Variants in SYT12 observed in about 807,000 individuals in gnomAD.
SYT12 encodes the protein synaptotagmin-12.
SYT12 carries 27 observed loss-of-function variants against 39.5 expected under a neutral mutation model. The observed-to-expected ratio is 0.68, with a 90% CI of 0.50 to 0.94. The LOEUF is 0.94. SYT12 is among the 40% of genes least tolerant of loss of function. The pLI is 0.00. For synonymous variants in SYT12, 233 were observed against 239.7 expected (o/e 0.97, Z 0.26); for missense variants, 536 against 572.6 (o/e 0.94, Z 0.65).
chr11:67,037,342 A>T (rs1035232623), intron 3 of SYT12, among the ~76,000 whole-genome samples: 8 of 152,192 alleles, frequency 5.3e-5, no homozygotes, highest in Non-Finnish European at 1.2e-4. Flanking sequence ...TACAAGCAAC[A>T]TAAATGTCCA....
intron 6 of SYT12, 71 bp downstream of exon 6, chr11:67,044,784 GGGCACCCGGA>G (rs1442875321): frequency 6.3e-7 from 1 of 1,593,346 alleles, no homozygotes; most frequent in Non-Finnish European, 8.6e-7. Context: ...GCTGTGCTGT[GGGCACCCGGA>G]GGCATCGGCA....
intron 5 of SYT12, 116 bp from the exon 6 acceptor site, chr11:67,044,477 G>A (rs1950572289): frequency 2.1e-6 from 3 of 1,441,282 alleles, no homozygotes; most frequent in South Asian, 2.9e-5. Context: ...GGCCCCCAGT[G>A]CAGCCACTTC....
chr11:67,044,711 C>A lies in SYT12; in HGVS notation c.956C>A (p.Ala319Glu), dbSNP rs201262067. 8 of 1,613,408 alleles carry A rather than the reference C, an allele frequency of 5.0e-6. No individual in the cohort carries two copies. Among genetic ancestry groups the A allele is most frequent in the Admixed American group, 1.7e-5 (1 of 59,986 alleles). ...ATCTGGACCAACGACAAGACCACAG[C>A]GGGTAAGGCCCAGCCGGCAGCCCGG... ...NLIWTNDKTT[A>E]DPFVKVYLLQ... Residue 319 changes from alanine to glutamate, a missense_variant and splice_region_variant, in exon 6 of 8, where the codon GCG becomes GAG. Physicochemically the swap from Ala to Glu is moderately radical, Grantham distance 107. Coordinates refer to ENST00000527043, the MANE Select transcript of SYT12 (RefSeq NM_177963.4).
intron 7 of SYT12, among the ~76,000 whole-genome samples, chr11:67,046,296 G>A (rs962202046): frequency 2.0e-5 from 3 of 152,122 alleles, no homozygotes; most frequent in African/African-American, 7.2e-5. Flanking sequence ...AGGTTCGCGT[G>A]GTCTTCAGAA....
intron 1 of SYT12, chr11:67,026,971 C>T (rs993577853): frequency 1.3e-5 from 2 of 152,238 alleles, no homozygotes; most frequent in Admixed American, 6.5e-5. Context: ...ATTCCACCCT[C>T]CTGGCAGCCT....
chr11:67,015,903 G>T (rs1950054584), intron 3 of SYT12, among the ~76,000 whole-genome samples: 1 of 152,152 alleles, frequency 6.6e-6, no homozygotes, highest in African/African-American at 2.4e-5. Flanking sequence ...GCAGGAGGAA[G>T]GGGGTTTGAG....
intron 3 of SYT12, among the ~76,000 whole-genome samples, 153 bp from the exon 4 acceptor site, chr11:67,039,658 C>T (rs187356590): frequency 3.3e-5 from 5 of 152,190 alleles, no homozygotes; most frequent in Admixed American, 3.3e-4. Context: ...TAATATTAAA[C>T]AGCGACCTTC....
chr11:67,048,999 C>T lies in SYT12; in HGVS notation c.*242C>T, dbSNP rs551572100. ...GCTGTGGCTGGGCCAGGACAGAGGA[C>T]TCAACCCTGCTCCTCCCGGTAGGCC... On this transcript the variant is annotated 3_prime_UTR_variant, in exon 8 of 8. Coordinates refer to ENST00000527043, the MANE Select transcript of SYT12 (RefSeq NM_177963.4). 418 of 430,410 alleles carry T rather than the reference C, an allele frequency of 9.7e-4. 8 individuals carry two copies. In the South Asian group the frequency reaches 0.024, roughly 25 times the overall value. The allele number at this position is 430,410 out of a possible 1,614,324, so 26.7% of individuals were successfully genotyped here. A position where few individuals can be genotyped will look rare whatever the true frequency, so the allele number is the denominator to read the frequency against.
At chr11:67,012,462 A>G (rs544382299) in intron 3 of SYT12, among the ~76,000 whole-genome samples, 4 of 152,322 alleles carry the variant, frequency 2.6e-5, no homozygotes, top group South Asian at 4.1e-4. Context: ...TGACTGAGCT[A>G]TCCCACCTTT....
At chr11:67,035,773 T>G (rs1950351768) in intron 3 of SYT12, among the ~76,000 whole-genome samples, 1 of 147,546 alleles carries the variant, frequency 6.8e-6, no homozygotes, top group East Asian at 2.0e-4. Flanking sequence ...TTCTTTCTTT[T>G]CTTTTCTTTT....
intron 1 of SYT12, chr11:67,028,106 C>T (rs555555739): frequency 2.6e-5 from 4 of 152,144 alleles, no homozygotes; most frequent in African/African-American, 4.8e-5. Flanking sequence ...AGCTGTGTGG[C>T]CTGGGGCAAA....
intron 4 of SYT12, 29 bp downstream of exon 4, chr11:67,040,232 G>C (rs748534503): frequency 9.0e-6 from 14 of 1,551,200 alleles, no homozygotes; most frequent in Middle Eastern, 2.4e-4. Flanking sequence ...GGGGCAGAAG[G>C]GTGCTCTGGG....
chr11:67,048,885 C>A lies in SYT12; in HGVS notation c.*128C>A. ...GGGTCCCCTGGCAGAGTCCTCATGA[C>A]CCATCCTGGTCTCTCTGTCCAGATT... On this transcript the variant is annotated 3_prime_UTR_variant, in exon 8 of 8. Coordinates refer to ENST00000527043, the MANE Select transcript of SYT12 (RefSeq NM_177963.4). The A allele has an allele frequency of 9.1e-7, 1 of 1,094,746 alleles. No homozygotes were observed. The highest frequency in any genetic ancestry group is 1.3e-6 in the Non-Finnish European group (1 of 772,432). The allele number at this position is 1,094,746 out of a possible 1,614,324, so 67.8% of individuals were successfully genotyped here.
At chr11:67,035,825 C>T (rs1434627731) in intron 3 of SYT12, among the ~76,000 whole-genome samples, 3,104 of 96,528 alleles carry the variant, frequency 0.032, 284 homozygotes, top group African/African-American at 0.12. Flanking sequence ...TTCCTTCCTT[C>T]CTTCCTTCCT....
chr11:67,022,296 G>A (rs561322334), upstream of SYT12, among the ~76,000 whole-genome samples: 33 of 151,778 alleles, frequency 2.2e-4, no homozygotes, highest in Admixed American at 1.9e-3. Flanking sequence ...TGCCACCCTT[G>A]CACACTTGCT....
At chr11:67,008,938 G>A (rs1196106356) in intron 1 of SYT12, among the ~76,000 whole-genome samples, 3 of 152,180 alleles carry the variant, frequency 2.0e-5, no homozygotes, top group Non-Finnish European at 4.4e-5. Flanking sequence ...TGGGAGGATT[G>A]AATGAGCCAA....
At chr11:67,047,132 T>C (rs1296223054) in intron 7 of SYT12, among the ~76,000 whole-genome samples, 15 of 149,596 alleles carry the variant, frequency 1.0e-4, no homozygotes, top group Admixed American at 6.7e-4. Flanking sequence ...ACCTGGCTAA[T>C]TTTTGTATTT....
At chr11:67,045,259 T>C (rs1326773278) in intron 6 of SYT12, among the ~76,000 whole-genome samples, 1 of 145,254 alleles carries the variant, frequency 6.9e-6, no homozygotes, top group Non-Finnish European at 1.5e-5. Flanking sequence ...GCCTGATCTA[T>C]TGGGAGTTGC....
At chr11:67,010,424 A>G (rs1018308251) in intron 2 of SYT12, among the ~76,000 whole-genome samples, 1 of 152,196 alleles carries the variant, frequency 6.6e-6, no homozygotes, top group African/African-American at 2.4e-5. Context: ...ATTGCAGCCA[A>G]GACAGGGGTA....
Sources: allele counts gnomAD v4.1 joint callset (sites outside exome capture counted in the v4.1 genomes callset), GRCh38; gene constraint gnomAD v4.1.1; transcripts MANE v1.5; gene names NCBI Gene and HGNC (gene_info 2026-07-23, HGNC 2026-07-21).